CAB39L: variants seen among roughly 807,000 people sequenced by gnomAD.
CAB39L encodes the protein calcium binding protein 39 like, also known as calcium-binding protein 39-like.
Under a neutral mutation model 39.1 loss-of-function variants are expected in CAB39L, and 23 were observed. The observed-to-expected ratio is 0.59, with a 90% CI of 0.42 to 0.83. CAB39L has a LOEUF of 0.83. CAB39L is among the 40% of genes least tolerant of loss of function. The probability of loss-of-function intolerance (pLI) is 0.00; values close to 1 mark genes in which losing one functional copy is unlikely to be tolerated. For missense variants in CAB39L, 366 were observed against 391.9 expected (o/e 0.93, Z 0.56); for synonymous variants, 126 against 137.2 (o/e 0.92, Z 0.57).
At chr13:49,322,213 G>A (rs149507793) in intron 10 of CAB39L, among the ~76,000 whole-genome samples, 143 of 152,106 alleles carry the variant, frequency 9.4e-4, no homozygotes, top group African/African-American at 2.9e-3. Flanking sequence ...GAGCTTTGCC[G>A]TATTCTAGAC....
chr13:49,355,357 G>T (rs1013625827), intron 6 of CAB39L, among the ~76,000 whole-genome samples: 4 of 152,092 alleles, frequency 2.6e-5, no homozygotes, highest in African/African-American at 9.7e-5. Context: ...CTTCTAGTAT[G>T]GGCAACAAAG....
At chr13:49,425,046 T>C (rs1417895992) in intron 3 of CAB39L, among the ~76,000 whole-genome samples, 1 of 152,106 alleles carries the variant, frequency 6.6e-6, no homozygotes, top group African/African-American at 2.4e-5. Flanking sequence ...ATTTAAAATG[T>C]AACAAGCACA....
intron 9 of CAB39L, among the ~76,000 whole-genome samples, chr13:49,332,930 T>A (rs971298305): frequency 6.6e-6 from 1 of 152,016 alleles, no homozygotes; most frequent in African/African-American, 2.4e-5. Context: ...TTTACTGGAC[T>A]TTTTCTGAAG....
At chr13:49,336,282 G>T (rs7334549) in intron 9 of CAB39L, among the ~76,000 whole-genome samples, 4 of 152,166 alleles carry the variant, frequency 2.6e-5, no homozygotes, top group Non-Finnish European at 4.4e-5. Context: ...AAAAAAACCA[G>T]CTCTCCAGTA....
chr13:49,397,851 G>T (rs940463774), intron 3 of CAB39L, among the ~76,000 whole-genome samples: 1 of 151,926 alleles, frequency 6.6e-6, no homozygotes, highest in African/African-American at 2.4e-5. Flanking sequence ...ATTAACAAAT[G>T]GTTACTCTTT....
At chr13:49,362,145 A>G (rs548420559) in intron 5 of CAB39L, among the ~76,000 whole-genome samples, 1 of 152,118 alleles carries the variant, frequency 6.6e-6, no homozygotes, top group South Asian at 2.1e-4. Context: ...TAAGGAAATT[A>G]AGGATTATTG....
chr13:49,348,122 C>G (rs1179577285), intron 7 of CAB39L, among the ~76,000 whole-genome samples: 1 of 152,134 alleles, frequency 6.6e-6, no homozygotes, highest in African/African-American at 2.4e-5. Flanking sequence ...CAAACTCCTT[C>G]CCTTCAAACC....
chr13:49,353,790 T>C (rs915343248), intron 6 of CAB39L, among the ~76,000 whole-genome samples: 1 of 152,160 alleles, frequency 6.6e-6, no homozygotes, highest in African/African-American at 2.4e-5. Context: ...GTTTTACTTA[T>C]CCTGTTACCT....
intron 7 of CAB39L, among the ~76,000 whole-genome samples, chr13:49,345,632 T>C (rs1955127103): frequency 2.6e-5 from 4 of 152,036 alleles, no homozygotes; most frequent in African/African-American, 9.7e-5. Flanking sequence ...AAGGATAATA[T>C]TGGTGTCATG....
intron 7 of CAB39L, among the ~76,000 whole-genome samples, chr13:49,344,764 C>T (rs909173330): frequency 1.3e-5 from 2 of 152,048 alleles, no homozygotes; most frequent in Admixed American, 1.3e-4. Flanking sequence ...CTTTGTGATC[C>T]ACCTGCCTCG....
intron 4 of CAB39L, among the ~76,000 whole-genome samples, chr13:49,381,376 A>C (rs1170914591): frequency 6.6e-6 from 1 of 152,176 alleles, no homozygotes; most frequent in Non-Finnish European, 1.5e-5. Flanking sequence ...TTTAAGAGAG[A>C]GTTAAGGATA....
At chr13:49,343,149 A>G (rs535627917) in intron 8 of CAB39L, among the ~76,000 whole-genome samples, 10 of 152,300 alleles carry the variant, frequency 6.6e-5, no homozygotes, top group African/African-American at 2.4e-4. Context: ...TTTACTGTAT[A>G]ATGCTGCTTC....
intron 10 of CAB39L, among the ~76,000 whole-genome samples, chr13:49,326,257 C>A (rs1182168543): frequency 6.6e-6 from 1 of 152,222 alleles, no homozygotes; most frequent in Non-Finnish European, 1.5e-5. Context: ...CTGGGAGAGT[C>A]AGGACCAGAG....
intron 7 of CAB39L, among the ~76,000 whole-genome samples, chr13:49,345,853 C>A (rs1352524213): frequency 6.6e-6 from 1 of 151,694 alleles, no homozygotes; most frequent in Non-Finnish European, 1.5e-5. Context: ...GCGCACACAG[C>A]CCCAGTGGCA....
intron 10 of CAB39L, among the ~76,000 whole-genome samples, chr13:49,322,641 G>A (rs1336726010): frequency 6.6e-6 from 1 of 152,076 alleles, no homozygotes; most frequent in Non-Finnish European, 1.5e-5. Context: ...TGTAAAAAGA[G>A]GAATTCATAC....
At chr13:49,406,132 C>A (rs1956871261) in intron 3 of CAB39L, among the ~76,000 whole-genome samples, 1 of 148,884 alleles carries the variant, frequency 6.7e-6, no homozygotes, top group Non-Finnish European at 1.5e-5. Context: ...ATTTGTTGTA[C>A]ATTTTAGAAT....
chr13:49,356,524 A>G (rs889795347), intron 6 of CAB39L, among the ~76,000 whole-genome samples: 1 of 152,250 alleles, frequency 6.6e-6, no homozygotes, highest in Non-Finnish European at 1.5e-5. Flanking sequence ...CATGTTTAAT[A>G]CCACATATCC....
chr13:49,407,173 TC>T (rs1454789540), intron 3 of CAB39L, among the ~76,000 whole-genome samples: 1 of 152,164 alleles, frequency 6.6e-6, no homozygotes, highest in Non-Finnish European at 1.5e-5. Flanking sequence ...CAAGTTACAG[TC>T]AAATGGCATC....
At chr13:49,381,253 T>G (rs1185455963) in intron 4 of CAB39L, among the ~76,000 whole-genome samples, 1 of 152,192 alleles carries the variant, frequency 6.6e-6, no homozygotes, top group Non-Finnish European at 1.5e-5. Context: ...AAGTAATTTT[T>G]CATATCCTTA....
Sources: gnomAD v4.1 joint callset for allele counts (sites outside exome capture counted in the v4.1 genomes callset) on GRCh38, gnomAD v4.1.1 for gene constraint, MANE v1.5 for transcripts, NCBI Gene and HGNC (gene_info 2026-07-23, HGNC 2026-07-21) for gene names.